MAF: variants seen among roughly 807,000 people sequenced by gnomAD.
MAF encodes MAF bZIP transcription factor.
A neutral mutation model predicts 22.0 loss-of-function variants in MAF; 10 were observed. The ratio of observed to expected loss-of-function variants is 0.45; its 90% CI spans 0.28 to 0.77. The LOEUF is 0.77. MAF is among the 30% of genes least tolerant of loss of function. The pLI, the probability that MAF is intolerant of heterozygous loss-of-function variation, is 0.12. For synonymous variants in MAF, 337 were observed against 255.8 expected, an observed-to-expected ratio of 1.32 and a Z score of -3.03; for missense variants, 544 against 548.4, an observed-to-expected ratio of 0.99 and a Z score of 0.08.
At chr16:79,447,905 A>AAAAAAAAAGAAAAAAAAAAAAAAAG in the MAF span, among the ~76,000 whole-genome samples, 1 of 85,806 alleles carries the variant, frequency 1.2e-5, no homozygotes, top group African/African-American at 4.6e-5. Context: ...AAAAAAAAAA[A>AAAAAAAAAGAAAAAAAAAAAAAAAG]AAAAGAAAAG....
chr16:79,508,377 G>A, the MAF span, among the ~76,000 whole-genome samples: 1 of 152,146 alleles, frequency 6.6e-6, no homozygotes, highest in African/African-American at 2.4e-5. Flanking sequence ...CTCTCTGTGG[G>A]GTCTCCACTG....
the MAF span, among the ~76,000 whole-genome samples, chr16:79,450,307 C>T: frequency 2.0e-5 from 3 of 152,190 alleles, no homozygotes; most frequent in African/African-American, 7.2e-5. Context: ...TTTATTGGCT[C>T]TGCTTTTTAA....
the MAF span, among the ~76,000 whole-genome samples, chr16:79,217,902 G>T: frequency 2.2e-5 from 3 of 137,214 alleles, no homozygotes; most frequent in African/African-American, 8.1e-5. Context: ...CGTTCATCAA[G>T]GTCAACACTA....
the MAF span, among the ~76,000 whole-genome samples, chr16:79,445,356 T>C: frequency 6.6e-6 from 1 of 152,170 alleles, no homozygotes; most frequent in Non-Finnish European, 1.5e-5. Flanking sequence ...ATACAGATGT[T>C]TTTATGTATC....
chr16:79,530,018 T>G, the MAF span, among the ~76,000 whole-genome samples: 1 of 152,146 alleles, frequency 6.6e-6, no homozygotes, highest in East Asian at 1.9e-4. Flanking sequence ...ATGCAAGGTT[T>G]GTTTATCAAG....
chr16:79,344,093 G>T, the MAF span, among the ~76,000 whole-genome samples: 1 of 152,288 alleles, frequency 6.6e-6, no homozygotes, highest in East Asian at 1.9e-4. Context: ...CTGATCCAAG[G>T]AATTTCCTGA....
chr16:79,383,653 T>A, the MAF span, among the ~76,000 whole-genome samples: 3 of 152,156 alleles, frequency 2.0e-5, no homozygotes, highest in African/African-American at 7.2e-5. Context: ...GTGAATTATT[T>A]TTATTATTAT....
chr16:79,224,462 C>A, the MAF span, among the ~76,000 whole-genome samples: 9 of 152,134 alleles, frequency 5.9e-5, no homozygotes, highest in African/African-American at 1.2e-4. Context: ...GACAAGGATG[C>A]CCTCTCTCAC....
the MAF span, among the ~76,000 whole-genome samples, chr16:79,374,244 C>A: frequency 2.0e-5 from 3 of 152,186 alleles, no homozygotes; most frequent in Admixed American, 6.5e-5. Context: ...TCCTGCATAA[C>A]CAGTTGGAAT....
the MAF span, among the ~76,000 whole-genome samples, chr16:79,535,684 G>A: frequency 6.6e-5 from 10 of 150,542 alleles, no homozygotes; most frequent in African/African-American, 2.4e-4. Flanking sequence ...TGCCTCCTGG[G>A]TTCAAGCAGT....
chr16:79,518,187 G>A, the MAF span, among the ~76,000 whole-genome samples: 1 of 152,178 alleles, frequency 6.6e-6, no homozygotes, highest in Non-Finnish European at 1.5e-5. Flanking sequence ...TAAATCATTT[G>A]CCCAATGTCA....
the MAF span, among the ~76,000 whole-genome samples, chr16:79,439,730 G>A: frequency 6.6e-6 from 1 of 152,222 alleles, no homozygotes; most frequent in Non-Finnish European, 1.5e-5. Flanking sequence ...CAGTAAGAGT[G>A]AGGACAGAAG....
chr16:79,212,244 A>T, the MAF span: 3 of 1,341,306 alleles, frequency 2.2e-6, no homozygotes, highest in Non-Finnish European at 3.0e-6. Flanking sequence ...TGCTGCATTG[A>T]TCCAGGAGAT....
At chr16:79,315,897 C>A in the MAF span, among the ~76,000 whole-genome samples, 2 of 152,176 alleles carry the variant, frequency 1.3e-5, no homozygotes, top group Non-Finnish European at 2.9e-5. Context: ...CCTGGTGCTC[C>A]CATCAATCTG....
the MAF span, among the ~76,000 whole-genome samples, chr16:79,446,765 C>T: frequency 6.6e-6 from 1 of 151,448 alleles, no homozygotes; most frequent in East Asian, 2.0e-4. Flanking sequence ...AAAAATTAGC[C>T]GAGCACAGTG....
At chr16:79,493,135 T>C in the MAF span, among the ~76,000 whole-genome samples, 8 of 143,742 alleles carry the variant, frequency 5.6e-5, no homozygotes, top group African/African-American at 2.3e-4. Context: ...TCTTTCTGTT[T>C]TTTTTTTGTT....
the MAF span, chr16:79,515,938 T>C: frequency 1.3e-5 from 2 of 149,530 alleles, no homozygotes; most frequent in Non-Finnish European, 2.9e-5. Context: ...CACATGTTAC[T>C]TGGACAAAAA....
chr16:79,399,432 T>A, the MAF span, among the ~76,000 whole-genome samples: 1 of 152,224 alleles, frequency 6.6e-6, no homozygotes, highest in Non-Finnish European at 1.5e-5. Context: ...AAAGTATTCT[T>A]CAAATTGACT....
chr16:79,504,054 T>C, the MAF span, among the ~76,000 whole-genome samples: 1 of 152,206 alleles, frequency 6.6e-6, no homozygotes, highest in South Asian at 2.1e-4. Context: ...GGATAAGTTC[T>C]TCCACTCATG....
Sources: gnomAD v4.1 joint callset for allele counts (sites outside exome capture counted in the v4.1 genomes callset) on GRCh38, gnomAD v4.1.1 for gene constraint, MANE v1.5 for transcripts, NCBI Gene and HGNC (gene_info 2026-07-23, HGNC 2026-07-21) for gene names.